Variants in BICRAL observed in about 807,000 individuals in gnomAD.
BICRAL encodes the protein BRD4-interacting chromatin-remodeling complex-associated protein-like.
Under a neutral mutation model 91.8 loss-of-function variants are expected in BICRAL, and 8 were observed. The observed-to-expected ratio is 0.09, with a 90% CI of 0.05 to 0.16. BICRAL has a LOEUF of 0.16. Ranked by LOEUF, BICRAL falls within the 10% of genes least tolerant of loss-of-function variation. BICRAL has a pLI of 1.00. For synonymous variants in BICRAL, 445 were observed against 491.1 expected (o/e 0.91, Z 1.24); for missense variants, 1,038 against 1,310.9 (o/e 0.79, Z 3.21).
At chr6:42,835,776 A>T (rs1429236778) in intron 6 of BICRAL, among the ~76,000 whole-genome samples, 1 of 152,134 alleles carries the variant, frequency 6.6e-6, no homozygotes, top group Non-Finnish European at 1.5e-5. Context: ...TCTACAAAAA[A>T]TACAAAAATT....
chr6:42,759,703 C>T (rs143214420), intron 1 of BICRAL, among the ~76,000 whole-genome samples: 3 of 152,314 alleles, frequency 2.0e-5, no homozygotes, highest in African/African-American at 7.2e-5. Flanking sequence ...GCCTCATCTT[C>T]TCTGCATAAC....
intron 5 of BICRAL, among the ~76,000 whole-genome samples, chr6:42,824,078 A>G (rs1481532331): frequency 6.6e-6 from 1 of 151,930 alleles, no homozygotes; most frequent in Non-Finnish European, 1.5e-5. Context: ...TCTACTAAAA[A>G]CACAGAAATT....
rs1762426699 is a variant in BICRAL, at chr6:42,754,394, G to A, written c.-261+7371G>A. Among the ~76,000 whole-genome samples the A allele has an allele frequency of 2.0e-5, 3 of 151,734 alleles. No homozygotes were observed. The South Asian group carries it at 6.2e-4, about 32-fold the overall frequency. Reference sequence around the variant, plus strand: ...TCACTGTGTTAGTCAGGATGGTCTGGATCTCCTGACCTTGTGATCCGCCCA... The same window carrying A: ...TCACTGTGTTAGTCAGGATGGTCTGAATCTCCTGACCTTGTGATCCGCCCA... On this transcript the variant is annotated intron_variant, in intron 1 of 14. Coordinates refer to the BICRAL transcript ENST00000614467.
chr6:42,751,654 CTTTTT>C (rs1190737893), intron 1 of BICRAL, among the ~76,000 whole-genome samples: 177 of 116,572 alleles, frequency 1.5e-3, no homozygotes, highest in African/African-American at 5.4e-3. Context: ...TCTTTCTTTT[CTTTTT>C]TTTTTTTTTT....
chr6:42,828,807 C>T lies in BICRAL; in HGVS notation c.474C>T (p.Tyr158=), dbSNP rs1485094156. The T allele has an allele frequency of 2.5e-6, 4 of 1,614,184 alleles. No individual in the cohort carries two copies. Among genetic ancestry groups the T allele is most frequent in the Non-Finnish European group, 1.7e-6 (2 of 1,180,012 alleles). The change falls in exon 6 of 13, where the codon TAC becomes TAT. Residue 158 remains tyrosine, a synonymous_variant. Transcript: ENST00000314073. ...CTCAGGCTTCTAATGTTTCTAATTA[C>T]TCAGGTCAGACGCTGCAGCCTATAG... ...SFTQASNVSN[Y]SGQTLQPIGV...
intron 6 of BICRAL, among the ~76,000 whole-genome samples, chr6:42,851,508 T>C (rs187038621): frequency 2.0e-5 from 3 of 152,366 alleles, no homozygotes; most frequent in Admixed American, 2.0e-4. Flanking sequence ...ATTTTTCTAA[T>C]TATATTTTGC....
intron 1 of BICRAL, among the ~76,000 whole-genome samples, chr6:42,782,346 G>A (rs550484377): frequency 6.9e-6 from 1 of 145,492 alleles, no homozygotes. Flanking sequence ...TTTTTTTTGG[G>A]GGGGGGTGGG....
chr6:42,752,100 C>G (rs1762389925), intron 1 of BICRAL, among the ~76,000 whole-genome samples: 1 of 151,906 alleles, frequency 6.6e-6, no homozygotes, highest in Non-Finnish European at 1.5e-5. Flanking sequence ...AATCTTCCTA[C>G]CTTGGCTACT....
At chr6:42,832,856 A>C (rs2113966800) in intron 6 of BICRAL, among the ~76,000 whole-genome samples, 1 of 152,154 alleles carries the variant, frequency 6.6e-6, no homozygotes, top group South Asian at 2.1e-4. Context: ...CTCCTACATA[A>C]CCACAGTACA....
At chr6:42,776,426 C>T (rs1241080036) in intron 1 of BICRAL, among the ~76,000 whole-genome samples, 3 of 152,074 alleles carry the variant, frequency 2.0e-5, no homozygotes, top group African/African-American at 7.2e-5. Flanking sequence ...TGGCTCACTA[C>T]AGACTCAACC....
intron 6 of BICRAL, among the ~76,000 whole-genome samples, chr6:42,848,934 C>T (rs1483309753): frequency 6.6e-6 from 1 of 152,170 alleles, no homozygotes; most frequent in Non-Finnish European, 1.5e-5. Flanking sequence ...GGGGAACTTC[C>T]CATACTACAG....
chr6:42,819,395 C>T (rs1410910773), intron 2 of BICRAL, among the ~76,000 whole-genome samples: 5 of 152,208 alleles, frequency 3.3e-5, no homozygotes, highest in South Asian at 2.1e-4. Flanking sequence ...AAGCAATTCT[C>T]CTGCCTTAGC....
chr6:42,801,249 T>TAAAAA (rs386406867), intron 1 of BICRAL, among the ~76,000 whole-genome samples: 1 of 134,494 alleles, frequency 7.4e-6, no homozygotes, highest in Non-Finnish European at 1.6e-5. Flanking sequence ...AGACTCTGTT[T>TAAAAA]AAAAAAAAAA....
Position 42,829,634 on chromosome 6 carries a change from C to G in BICRAL, c.1301C>G (p.Ser434Cys), listed in dbSNP as rs1411436563. ...CAAACTCAACCCTCTCAGCTCATTT[C>G]TGGCCAAGTGGCCTCAGAGCATGTC... ...LLQTQPSQLI[S>C]GQVASEHVML... The change falls in exon 6 of 13, where the codon TCT (serine) becomes TGT (cysteine). Residue 434 changes from serine to cysteine, a missense_variant. Ser to Cys is a moderately radical substitution (Grantham distance 112). Coordinates refer to ENST00000314073, the MANE Select transcript of BICRAL (RefSeq NM_001393499.1). 5.0e-6 allele frequency: 8 copies of G among 1,614,206 alleles called. No individual in the cohort carries two copies. The South Asian group carries it at 7.7e-5, about 16-fold the overall frequency.
chr6:42,845,461 G>A (rs1350318176), intron 6 of BICRAL, among the ~76,000 whole-genome samples: 1 of 151,700 alleles, frequency 6.6e-6, no homozygotes, highest in Non-Finnish European at 1.5e-5. Context: ...ACTTTGGATT[G>A]CAGCTATCAG....
chr6:42,858,839 T>TA (rs1463770672), intron 10 of BICRAL, among the ~76,000 whole-genome samples: 27 of 151,722 alleles, frequency 1.8e-4, no homozygotes, highest in African/African-American at 4.4e-4. Context: ...AATAAATAAA[T>TA]AATAATTTAG....
intron 3 of BICRAL, among the ~76,000 whole-genome samples, chr6:42,822,349 T>G (rs1764161272): frequency 6.7e-6 from 1 of 150,110 alleles, no homozygotes; most frequent in African/African-American, 2.4e-5. Flanking sequence ...CACACGATCC[T>G]CCCACCTCAG....
chr6:42,792,523 T>C (rs1245930767), intron 1 of BICRAL, among the ~76,000 whole-genome samples: 1 of 151,992 alleles, frequency 6.6e-6, no homozygotes, highest in African/African-American at 2.4e-5. Flanking sequence ...TCCTCCTGCC[T>C]CAGCCTCCCA....
chr6:42,819,199 T>G (rs1351538202), intron 2 of BICRAL, among the ~76,000 whole-genome samples: 1 of 152,224 alleles, frequency 6.6e-6, no homozygotes, highest in Non-Finnish European at 1.5e-5. Flanking sequence ...ATGGAGAATC[T>G]TTCCAGAGAA....
Sources: allele counts gnomAD v4.1 joint callset (sites outside exome capture counted in the v4.1 genomes callset), GRCh38; gene constraint gnomAD v4.1.1; transcripts MANE v1.5; gene names NCBI Gene and HGNC (gene_info 2026-07-23, HGNC 2026-07-21).